LIMS2: variants seen among roughly 807,000 people sequenced by gnomAD.
LIMS2 encodes LIM and senescent cell antigen-like-containing domain protein 2.
LIMS2 carries 30 observed loss-of-function variants against 45.3 expected under a neutral mutation model. The observed-to-expected ratio is 0.66, with a 90% CI of 0.50 to 0.90. The LOEUF is 0.90. Ranked by LOEUF, LIMS2 falls within the 40% of genes least tolerant of loss-of-function variation. The probability of loss-of-function intolerance (pLI) is 0.00; values close to 1 mark genes in which losing one functional copy is unlikely to be tolerated. For synonymous variants in LIMS2, 173 were observed against 188.0 expected, an observed-to-expected ratio of 0.92 and a Z score of 0.65; for missense variants, 485 against 468.7, an observed-to-expected ratio of 1.03 and a Z score of -0.32.
Position 127,654,419 on chromosome 2 carries a change from C to T in LIMS2, c.359+5G>A, listed in dbSNP as rs774435519. 1 of 1,613,954 alleles carries T rather than the reference C, an allele frequency of 6.2e-7. No individual in the cohort carries two copies. The highest frequency in any genetic ancestry group is 1.1e-5 in the South Asian group (1 of 91,076). On this transcript the variant is annotated splice_donor_5th_base_variant and intron_variant, in intron 4 of 9. Coordinates refer to ENST00000355119, the MANE Select transcript of LIMS2 (RefSeq NM_001161403.3). ...GTCCTCTCTGGCCCAACACGGCCACCTCACCTGCCGGCATTCTTCACAAAG... is the reference window on the plus strand; with the variant it reads ...GTCCTCTCTGGCCCAACACGGCCACTTCACCTGCCGGCATTCTTCACAAAG...
intron 1 of LIMS2, 88 bp from the exon 2 acceptor site, chr2:127,657,650 C>G: frequency 7.3e-7 from 1 of 1,362,092 alleles, no homozygotes. Context: ...ACAGACACAC[C>G]TCGTATTAAA....
At chr2:127,643,353 G>A in intron 4 of LIMS2, 1 of 524,884 alleles carries the variant, frequency 1.9e-6, no homozygotes, top group East Asian at 4.4e-5. Context: ...CTAAGCCTGG[G>A]GCATGCTGCA....
At chr2:127,674,884 C>G (rs1357715713) in intron 1 of LIMS2, 130 bp downstream of exon 1, 2 of 1,214,626 alleles carry the variant, frequency 1.6e-6, no homozygotes, top group Admixed American at 4.3e-5. Flanking sequence ...CCGGCAGCTG[C>G]GAGAATCCGA....
intron 4 of LIMS2, among the ~76,000 whole-genome samples, chr2:127,645,341 G>T (rs1327265794): frequency 6.6e-6 from 1 of 152,182 alleles, no homozygotes; most frequent in Non-Finnish European, 1.5e-5. Flanking sequence ...AACCAGGAAG[G>T]GTGATTTGGT....
chr2:127,643,673 C>T (rs912164312), intron 4 of LIMS2: 1 of 445,782 alleles, frequency 2.2e-6, no homozygotes, highest in South Asian at 1.6e-5. Flanking sequence ...TGTTGGACGA[C>T]AGCTGTGTTC....
chr2:127,645,107 G>A (rs1682824305), intron 4 of LIMS2, among the ~76,000 whole-genome samples: 1 of 152,224 alleles, frequency 6.6e-6, no homozygotes, highest in Non-Finnish European at 1.5e-5. Flanking sequence ...GTTCTGGAGT[G>A]ACATGTGCTT....
At chr2:127,673,724 T>A (rs760823189) in intron 1 of LIMS2, 10 of 1,551,476 alleles carry the variant, frequency 6.4e-6, no homozygotes, top group Non-Finnish European at 8.7e-6. Context: ...CCTGTTCCTG[T>A]CTCTCCCCAC....
At chr2:127,660,393 G>A (rs544569092) in intron 1 of LIMS2, among the ~76,000 whole-genome samples, 1 of 152,232 alleles carries the variant, frequency 6.6e-6, no homozygotes, top group South Asian at 2.1e-4. Flanking sequence ...ACGTTCTTTG[G>A]GTCTGCGCCA....
At position 127,675,484 on chromosome 2, in the gene LIMS2, CG is replaced by C. The variant is rs775579481; in HGVS notation, c.-461del. Reference sequence around the variant, plus strand: ...CAGGGACACGGAGCGCGGCCAGCGGCGGGCGCGGGTCAAGTCCTTCCCAACC... The same window carrying C: ...CAGGGACACGGAGCGCGGCCAGCGGCGGCGCGGGTCAAGTCCTTCCCAACC... On this transcript the variant is annotated 5_prime_UTR_variant, in exon 1 of 10. Transcript: ENST00000355119. 9.1e-4 allele frequency among the ~76,000 whole-genome samples: 139 copies of C among 152,008 alleles called. 1 individual carries two copies. The East Asian group carries it at 0.021, about 23-fold the overall frequency.
At position 127,642,458 on chromosome 2, in the gene LIMS2, G is replaced by C. The variant is rs1682521473; in HGVS notation, c.510-259C>G. The C allele has an allele frequency of 4.7e-6, 2 of 426,128 alleles. No individual in the cohort carries two copies. The highest frequency in any genetic ancestry group is 8.3e-6 in the Non-Finnish European group (2 of 241,152). The allele number at this position is 426,128 out of a possible 1,614,324, so 26.4% of individuals were successfully genotyped here. On this transcript the variant is annotated intron_variant, in intron 5 of 9. Coordinates refer to ENST00000355119, the MANE Select transcript of LIMS2 (RefSeq NM_001161403.3). This position sits in a 1 kb window ranked among gnomAD's most constrained non-coding sequence, Gnocchi z 5.3. ...GCCTCTGAGAAGCAGGTCTGTTCTT[G>C]GGCCCCCCTCCTCCTCCAAACCAGA...
In LIMS2 at chr2:127,661,896, A is replaced by G. The variant is rs559213591; in HGVS notation, c.12-4334T>C. Among the ~76,000 whole-genome samples the G allele has an allele frequency of 2.0e-5, 3 of 152,236 alleles. No homozygotes were observed. The East Asian group carries it at 5.8e-4, about 29-fold the overall frequency. ...AGAGGATTGGACTCATGTTCCTCCCATCTCCTCTTGGCATCCCCCATTCCG... is the reference window on the plus strand; with the variant it reads ...AGAGGATTGGACTCATGTTCCTCCCGTCTCCTCTTGGCATCCCCCATTCCG... On this transcript the variant is annotated intron_variant, in intron 1 of 9. Transcript: ENST00000355119.
At chr2:127,643,435 ATAAT>A in intron 4 of LIMS2, 2 of 460,660 alleles carry the variant, frequency 4.3e-6, no homozygotes, top group Non-Finnish European at 4.3e-6. Flanking sequence ...CACACGAGTT[ATAAT>A]GAGTGTCACT....
At chr2:127,663,650 C>T (rs1684821694) in intron 1 of LIMS2, among the ~76,000 whole-genome samples, 1 of 150,428 alleles carries the variant, frequency 6.6e-6, no homozygotes, top group South Asian at 2.2e-4. Flanking sequence ...GCCCTTCTGC[C>T]CAGCCTTGGC....
chr2:127,675,737 G>A (rs1685482506), upstream of LIMS2, among the ~76,000 whole-genome samples: 1 of 152,262 alleles, frequency 6.6e-6, no homozygotes, highest in South Asian at 2.1e-4. Flanking sequence ...TCCTAGCCCG[G>A]AGTTCCCACC....
intron 6 of LIMS2, chr2:127,641,265 T>G (rs2244871): frequency 6.1e-6 from 2 of 328,618 alleles, no homozygotes; most frequent in African/African-American, 2.1e-5. Context: ...GGTAACCTTG[T>G]GAGTCACCAT....
At chr2:127,666,875 A>T (rs1178450863) in intron 1 of LIMS2, among the ~76,000 whole-genome samples, 1 of 152,132 alleles carries the variant, frequency 6.6e-6, no homozygotes, top group African/African-American at 2.4e-5. Context: ...CAAGAACAGC[A>T]TGGGGGGAAA....
chr2:127,679,008 A>G (rs1035834434), upstream of LIMS2, among the ~76,000 whole-genome samples: 1 of 152,074 alleles, frequency 6.6e-6, no homozygotes, highest in African/African-American at 2.4e-5. This position sits in a 1 kb window ranked among gnomAD's most constrained non-coding sequence, Gnocchi z 5.3. Flanking sequence ...GCAGAAAGTG[A>G]GGGGGAGAGC....
chr2:127,651,709 A>C (rs760617833), intron 4 of LIMS2: 2 of 1,613,058 alleles, frequency 1.2e-6, no homozygotes, highest in Non-Finnish European at 1.7e-6. Flanking sequence ...CCCAGCTTCG[A>C]AGGGAAAACC....
At position 127,639,400 on chromosome 2, in the gene LIMS2, G is replaced by C; in HGVS notation, c.907C>G (p.Pro303Ala). 1 of 1,613,850 alleles carries C rather than the reference G, an allele frequency of 6.2e-7. No individual in the cohort carries two copies. The highest frequency in any genetic ancestry group is 1.1e-5 in the South Asian group (1 of 91,084). Reference sequence around the variant, plus strand: ...TTCTCGTAGCACCTCTTACACACGGGCTTCATGTCGAACTCCACAAACTTG... The same window carrying C: ...TTCTCGTAGCACCTCTTACACACGGCCTTCATGTCGAACTCCACAAACTTG... ...KNKFVEFDMK[P>A]VCKRCYEKFP... Residue 303 changes from proline (P) to alanine (A), a missense_variant, in exon 10 of 10, where the codon CCC (proline) becomes GCC (alanine). Pro to Ala is a conservative substitution (Grantham distance 27). Transcript: ENST00000355119.
Sources: gnomAD v4.1 joint callset for allele counts (sites outside exome capture counted in the v4.1 genomes callset) on GRCh38, gnomAD v4.1.1 for gene constraint, Gnocchi (gnomAD v3.1) non-coding constraint, MANE v1.5 for transcripts, NCBI Gene and HGNC (gene_info 2026-07-23, HGNC 2026-07-21) for gene names.